SUMF2: variants seen among roughly 807,000 people sequenced by gnomAD.
SUMF2 encodes the protein inactive C-alpha-formylglycine-generating enzyme 2.
Under a neutral mutation model 44.8 loss-of-function variants are expected in SUMF2, and 45 were observed. The ratio of observed to expected loss-of-function variants is 1.00; its 90% CI spans 0.79 to 1.29. The LOEUF is 1.29. SUMF2 is among the 50% of genes most tolerant of loss of function. The pLI, the probability that SUMF2 is intolerant of heterozygous loss-of-function variation, is 0.00. For synonymous variants in SUMF2, 148 were observed against 150.4 expected, an observed-to-expected ratio of 0.98 and a Z score of 0.12; for missense variants, 418 against 389.9, an observed-to-expected ratio of 1.07 and a Z score of -0.61.
Position 56,068,467 on chromosome 7 carries a change from CT to C in SUMF2, c.68-9del. The C allele has an allele frequency of 1.3e-6, 2 of 1,598,726 alleles. No individual in the cohort carries two copies. The highest frequency in any genetic ancestry group is 3.7e-5 in the Admixed American group (2 of 54,356). ...ATATGCATGTATTACTGGTAACTCT[CT>C]TTTTTCTCTGCAGGAAATGGACAGG... On this transcript the variant is annotated splice_polypyrimidine_tract_variant and intron_variant, in intron 1 of 8. Coordinates refer to ENST00000434526, the MANE Select transcript of SUMF2 (RefSeq NM_015411.4).
intron 1 of SUMF2, among the ~76,000 whole-genome samples, chr7:56,066,548 A>G (rs1584567231): frequency 6.6e-6 from 1 of 151,370 alleles, no homozygotes; most frequent in African/African-American, 2.4e-5. Flanking sequence ...CCCAGGTTCA[A>G]GTGATTCTCC....
chr7:56,081,362 C>T (rs1445383840), downstream of SUMF2: 1 of 1,541,352 alleles, frequency 6.5e-7, no homozygotes, highest in African/African-American at 1.4e-5. The surrounding 1 kb of genome is among the most constrained non-coding windows in gnomAD (Gnocchi z 4.6). Context: ...GCCCCTCCAG[C>T]ACAGGGACGC....
the SUMF2 span, among the ~76,000 whole-genome samples, chr7:56,087,196 T>C: frequency 2.2e-5 from 1 of 46,068 alleles, no homozygotes; most frequent in African/African-American, 1.4e-4. Flanking sequence ...CCAGGGACTT[T>C]ATTATTATTA....
chr7:56,074,432 T>A, intron 4 of SUMF2, 154 bp from the exon 5 acceptor site: 1 of 1,121,198 alleles, frequency 8.9e-7, no homozygotes, highest in Admixed American at 2.6e-5. Flanking sequence ...TGTAGTCTCT[T>A]TTTTCTGACT....
At chr7:56,073,280 G>A in intron 3 of SUMF2, 169 bp downstream of exon 3, 1 of 685,378 alleles carries the variant, frequency 1.5e-6, no homozygotes, top group East Asian at 2.8e-5. Context: ...CACACTCCCA[G>A]GAAGTTAACC....
intron 1 of SUMF2, among the ~76,000 whole-genome samples, chr7:56,066,660 G>A (rs911415951): frequency 1.3e-5 from 2 of 151,428 alleles, no homozygotes; most frequent in East Asian, 1.9e-4. Context: ...CGCTCCTGTC[G>A]CCCAGGCCGG....
downstream of SUMF2, chr7:56,081,856 G>T: frequency 1.2e-6 from 2 of 1,611,562 alleles, no homozygotes; most frequent in South Asian, 1.1e-5. The surrounding 1 kb of genome is among the most constrained non-coding windows in gnomAD (Gnocchi z 4.6). Context: ...TGGCATCGCA[G>T]CCCTGAGCCC....
chr7:56,071,043 TG>T (rs1231597206), intron 2 of SUMF2, among the ~76,000 whole-genome samples: 1 of 152,202 alleles, frequency 6.6e-6, no homozygotes, highest in African/African-American at 2.4e-5. Context: ...TTCTGTATCT[TG>T]ATTATTGTAG....
the SUMF2 span, among the ~76,000 whole-genome samples, chr7:56,087,196 TA>T: frequency 4.3e-5 from 2 of 46,068 alleles, no homozygotes; most frequent in Non-Finnish European, 8.5e-5. Context: ...CCAGGGACTT[TA>T]TTATTATTAT....
At chr7:56,081,344 C>G (rs781236236), downstream of SUMF2, 1 of 1,563,986 alleles carries the variant, frequency 6.4e-7, no homozygotes, top group South Asian at 1.1e-5. This position sits in a 1 kb window ranked among gnomAD's most constrained non-coding sequence, Gnocchi z 4.6. Flanking sequence ...CCCGCCCTGC[C>G]AGGCCCTGCC....
chr7:56,087,551 G>T, the SUMF2 span: 5 of 1,580,026 alleles, frequency 3.2e-6, no homozygotes, highest in Admixed American at 8.4e-5. Flanking sequence ...TGTCAGGGCA[G>T]AATCACAGGG....
chr7:56,076,958 TAGGCCGCGGCATCCAGA>T (rs1795601694), intron 6 of SUMF2, 69 bp downstream of exon 6: 1 of 1,484,256 alleles, frequency 6.7e-7, no homozygotes, highest in Non-Finnish European at 9.2e-7. Flanking sequence ...ACTGTGTTGT[TAGGCCGCGGCATCCAGA>T]AGGCTTGGGT....
At chr7:56,084,148 C>T, downstream of SUMF2, 2 of 1,516,078 alleles carry the variant, frequency 1.3e-6, no homozygotes, top group Non-Finnish European at 1.8e-6. Context: ...GTGAGCAGTA[C>T]CTTGCCCTGC....
intron 8 of SUMF2, chr7:56,079,071 G>A: frequency 1.9e-6 from 1 of 534,778 alleles, no homozygotes; most frequent in East Asian, 3.0e-5. Context: ...ATGAGTTTTT[G>A]CCATGCTGCC....
At chr7:56,087,735 G>T in the SUMF2 span, 1 of 1,613,380 alleles carries the variant, frequency 6.2e-7, no homozygotes, top group Non-Finnish European at 8.5e-7. Flanking sequence ...CTCCTGGCTC[G>T]TGGGCTTGTG....
chr7:56,084,149 C>A (rs980769901), downstream of SUMF2: 3 of 1,517,036 alleles, frequency 2.0e-6, no homozygotes, highest in Non-Finnish European at 2.7e-6. Context: ...TGAGCAGTAC[C>A]TTGCCCTGCC....
At chr7:56,078,684 C>G (rs771800696) in intron 8 of SUMF2, among the ~76,000 whole-genome samples, 176 bp downstream of exon 8, 4 of 152,170 alleles carry the variant, frequency 2.6e-5, no homozygotes, top group Non-Finnish European at 5.9e-5. Flanking sequence ...GCCAGCAGCA[C>G]TTGCTATGAA....
intron 1 of SUMF2, among the ~76,000 whole-genome samples, chr7:56,066,872 G>A (rs572927023): frequency 2.5e-4 from 38 of 152,208 alleles, no homozygotes; most frequent in East Asian, 1.7e-3. Flanking sequence ...TGCCCGCCTC[G>A]GCCTCCCAAA....
At chr7:56,087,878 A>C in the SUMF2 span, 2 of 904,014 alleles carry the variant, frequency 2.2e-6, no homozygotes, top group South Asian at 3.1e-5. Context: ...ACAGAGATTT[A>C]CACTTTCCCC....
Sources: gnomAD v4.1 joint callset for allele counts (sites outside exome capture counted in the v4.1 genomes callset) on GRCh38, gnomAD v4.1.1 for gene constraint, Gnocchi (gnomAD v3.1) non-coding constraint, MANE v1.5 for transcripts, NCBI Gene and HGNC (gene_info 2026-07-23, HGNC 2026-07-21) for gene names.